The following ATG4D variants were observed in gnomAD, a reference collection of about 807,000 sequenced individuals.
ATG4D encodes autophagy related 4D cysteine peptidase.
A neutral mutation model predicts 55.2 loss-of-function variants in ATG4D; 51 were observed. The ratio of observed to expected loss-of-function variants is 0.92; its 90% CI spans 0.74 to 1.17. The LOEUF is 1.17. Ranked by LOEUF, ATG4D falls within the 50% of genes most tolerant of loss-of-function variation. The probability of loss-of-function intolerance (pLI) is 0.00; values close to 1 mark genes in which losing one functional copy is unlikely to be tolerated. For synonymous variants in ATG4D, 268 were observed against 266.2 expected, an observed-to-expected ratio of 1.01 and a Z score of -0.07; for missense variants, 635 against 649.6, an observed-to-expected ratio of 0.98 and a Z score of 0.25.
intron 8 of ATG4D, 34 bp downstream of exon 8, chr19:10,552,155 T>C (rs201971548): frequency 1.2e-6 from 2 of 1,610,980 alleles, no homozygotes; most frequent in Admixed American, 3.3e-5. Context: ...GTTGGGGCCA[T>C]GGCGGGTGGG....
Position 10,547,090 on chromosome 19 carries a change from C to T in ATG4D, c.745C>T (p.Pro249Ser). Reference protein sequence around the residue: ...SGKKAGDWYGPSLVAHILRKA... With the variant: ...SGKKAGDWYGSSLVAHILRKA... ...CAAGAAGGCAGGTGACTGGTATGGGCCATCGCTAGTGGCACACATCCTCAG... is the reference window on the plus strand; with the variant it reads ...CAAGAAGGCAGGTGACTGGTATGGGTCATCGCTAGTGGCACACATCCTCAG... Residue 249 changes from proline to serine, a missense_variant, in exon 4 of 10, where the codon CCA (proline) becomes TCA (serine). Physicochemically the swap from Pro to Ser is moderately conservative, Grantham distance 74 (BLOSUM62 -1). Coordinates refer to ENST00000309469, the MANE Select transcript of ATG4D (RefSeq NM_032885.6). 1 of 1,599,676 alleles carries T rather than the reference C, an allele frequency of 6.3e-7. No homozygotes were observed. The highest frequency in any genetic ancestry group is 2.3e-5 in the East Asian group (1 of 44,422).
chr19:10,547,039 C>G lies in ATG4D; in HGVS notation c.694C>G (p.Leu232Val). The change falls in exon 4 of 10, where the codon CTG becomes GTG. Residue 232 changes from leucine (L) to valine (V), a missense_variant. By Grantham distance (32) the Leu-to-Val change is conservative (BLOSUM62 1). Coordinates refer to ENST00000309469, the MANE Select transcript of ATG4D (RefSeq NM_032885.6). The stretch of plus-strand genomic sequence containing the variant: ...CCGGGCCCCCTTTGGCCTACACCGG[C>G]TGGTGGAGCTTGGGCAGAGCTCAGG... ...HPRAPFGLHR[L>V]VELGQSSGKK... 1 of 1,586,580 alleles carries G rather than the reference C, an allele frequency of 6.3e-7. No homozygotes were observed. Among genetic ancestry groups the G allele is most frequent in the Non-Finnish European group, 8.6e-7 (1 of 1,167,738 alleles).
rs757684533 is a variant in ATG4D, at chr19:10,546,853, G to A, written c.508G>A (p.Glu170Lys). Residue 170 changes from glutamate (E) to lysine (K), a missense_variant, in exon 4 of 10, where the codon GAG becomes AAG. By Grantham distance (56) the Glu-to-Lys change is moderately conservative. Transcript: ENST00000309469. The part of the protein sequence containing the change: ...HFLPRDWTWA[E>K]GMGLGPPELS... ...CATTCCACCAGACTGGACATGGGCC[G>A]AGGGCATGGGCCTGGGCCCCCCTGA... 9 of 1,592,012 alleles carry A rather than the reference G, an allele frequency of 5.7e-6. No individual in the cohort carries two copies. Among genetic ancestry groups the A allele is most frequent in the Admixed American group, 5.1e-5 (3 of 58,438 alleles).
Position 10,546,874 on chromosome 19 carries a change from C to A in ATG4D, c.529C>A (p.Pro177Thr), listed in dbSNP as rs377349256. ...GGCCGAGGGCATGGGCCTGGGCCCC[C>A]CTGAGCTGTCAGGGTCAGCCTCTCC... ...TWAEGMGLGPPELSGSASPSR... is the reference protein window; with the variant it reads ...TWAEGMGLGPTELSGSASPSR... Residue 177 changes from proline to threonine, a missense_variant, in exon 4 of 10, where the codon CCT (proline) becomes ACT (threonine). Physicochemically the swap from Pro to Thr is conservative, Grantham distance 38. Transcript: ENST00000309469. The A allele has an allele frequency of 1.8e-5, 29 of 1,606,160 alleles. No homozygotes were observed. The highest frequency in any genetic ancestry group is 2.4e-5 in the Non-Finnish European group (28 of 1,175,960).
rs765209616 is a variant in ATG4D, at chr19:10,548,912, G to A, written c.844G>A (p.Ala282Thr). The change falls in exon 6 of 10, where the codon GCG becomes ACG. Residue 282 changes from alanine to threonine, a missense_variant. Coordinates refer to ENST00000309469, the MANE Select transcript of ATG4D (RefSeq NM_032885.6). The part of the protein sequence containing the change: ...YVSQDCTVYK[A>T]DVARLVARPD... ...CTGTCCCGTCCCTCCAGTGTACAAG[G>A]CGGATGTGGCACGCCTGGTGGCCAG... The A allele has an allele frequency of 6.2e-7, 1 of 1,614,096 alleles. No individual in the cohort carries two copies. Among genetic ancestry groups the A allele is most frequent in the Non-Finnish European group, 8.5e-7 (1 of 1,180,002 alleles).
chr19:10,546,840 C>A lies in ATG4D; in HGVS notation c.495C>A (p.Asp165Glu), dbSNP rs553074453. 30 of 1,575,490 alleles carry A rather than the reference C, an allele frequency of 1.9e-5. No individual in the cohort carries two copies. Among genetic ancestry groups the A allele is most frequent in the Middle Eastern group, 2.2e-4 (1 of 4,494 alleles). Reference protein sequence around the residue: ...QGLLLHFLPRDWTWAEGMGLG... With the variant: ...QGLLLHFLPREWTWAEGMGLG... ...TGACTATGTGCTCCATTCCACCAGA[C>A]TGGACATGGGCCGAGGGCATGGGCC... The change falls in exon 4 of 10, where the codon GAC becomes GAA. Residue 165 changes from aspartate (D) to glutamate (E), a missense_variant and splice_region_variant. Coordinates refer to ENST00000309469, the MANE Select transcript of ATG4D (RefSeq NM_032885.6).
At position 10,547,046 on chromosome 19, in the gene ATG4D, A is replaced by C; in HGVS notation, c.701A>C (p.Glu234Ala). 1.9e-6 allele frequency: 3 copies of C among 1,584,388 alleles called. No individual in the cohort carries two copies. The highest frequency in any genetic ancestry group is 1.9e-5 in the Admixed American group (1 of 52,924). The change falls in exon 4 of 10, where the codon GAG becomes GCG. Residue 234 changes from glutamate to alanine, a missense_variant. By Grantham distance (107) the Glu-to-Ala change is moderately radical. Coordinates refer to ENST00000309469, the MANE Select transcript of ATG4D (RefSeq NM_032885.6). Reference sequence around the variant, plus strand: ...CCCTTTGGCCTACACCGGCTGGTGGAGCTTGGGCAGAGCTCAGGCAAGAAG... The same window carrying C: ...CCCTTTGGCCTACACCGGCTGGTGGCGCTTGGGCAGAGCTCAGGCAAGAAG... ...RAPFGLHRLV[E>A]LGQSSGKKAG... is the part of the protein sequence containing the mutation.
At chr19:10,552,767 C>T in intron 9 of ATG4D, 118 bp from the exon 10 acceptor site, 2 of 1,084,152 alleles carry the variant, frequency 1.8e-6, no homozygotes, top group Non-Finnish European at 2.6e-6. Flanking sequence ...ATGGAAGGTG[C>T]TGATTGGCTG....
chr19:10,549,756 G>A (rs909002048), intron 6 of ATG4D, among the ~76,000 whole-genome samples: 1 of 152,066 alleles, frequency 6.6e-6, no homozygotes, highest in Non-Finnish European at 1.5e-5. Context: ...CACCTGCTAT[G>A]TGTGCTCCCC....
chr19:10,546,769 G>T, intron 3 of ATG4D, 70 bp from the exon 4 acceptor site: 9 of 1,473,292 alleles, frequency 6.1e-6, no homozygotes, highest in Non-Finnish European at 8.2e-6. Flanking sequence ...ATTGTGTGCG[G>T]TGCATGTGTA....
chr19:10,552,779 T>C (rs1172631438), intron 9 of ATG4D, 106 bp from the exon 10 acceptor site: 11 of 1,219,258 alleles, frequency 9.0e-6, no homozygotes, highest in Admixed American at 2.2e-5. Context: ...GATTGGCTGC[T>C]CTCTCCTGGA....
Position 10,549,038 on chromosome 19 carries a change from G to C in ATG4D, c.966+4G>C. On this transcript the variant is annotated splice_donor_region_variant and intron_variant, in intron 6 of 9. Transcript: ENST00000309469. ...CGTGTATGTGCCCTGCGTGAAGGTA[G>C]GTTCAGCTGAATTCTAGGACACCTC... is the stretch of plus-strand genomic sequence containing the variant. 2 of 1,614,088 alleles carry C rather than the reference G, an allele frequency of 1.2e-6. No individual in the cohort carries two copies. The highest frequency in any genetic ancestry group is 2.2e-5 in the South Asian group (2 of 91,070).
In ATG4D at chr19:10,551,922, T is replaced by C; in HGVS notation, c.992T>C (p.Leu331Pro). 1 of 1,613,988 alleles carries C rather than the reference T, an allele frequency of 6.2e-7. No homozygotes were observed. The highest frequency in any genetic ancestry group is 1.7e-4 in the Middle Eastern group (1 of 5,992). ...GAACTCCTGCGTTGCGAGCTGTGCC[T>C]GGGCATCATGGGTGGGAAACCGCGA... Reference protein sequence around the residue: ...VKELLRCELCLGIMGGKPRHS... With the variant: ...VKELLRCELCPGIMGGKPRHS... Residue 331 changes from leucine to proline, a missense_variant, in exon 7 of 10, where the codon CTG (leucine) becomes CCG (proline). Transcript: ENST00000309469.
chr19:10,546,323 ATTTATTTAT>A (rs1292472585), intron 3 of ATG4D, among the ~76,000 whole-genome samples: 1 of 149,816 alleles, frequency 6.7e-6, no homozygotes, highest in Non-Finnish European at 1.5e-5. Flanking sequence ...TCCTGTCTTT[ATTTATTTAT>A]TTTATTTATT....
Position 10,548,003 on chromosome 19 carries a change from A to ATTTT in ATG4D, c.835+792_835+795dup, listed in dbSNP as rs60924749. Reference sequence around the variant, plus strand: ...TGAGCCACTGTGCCCAGCCCCTGTAATTTTTTTTTTTTTTTTTTTTTTTTT... The same window carrying ATTTT: ...TGAGCCACTGTGCCCAGCCCCTGTAATTTTTTTTTTTTTTTTTTTTTTTTTTTTT... On this transcript the variant is annotated intron_variant, in intron 5 of 9. Coordinates refer to ENST00000309469, the MANE Select transcript of ATG4D (RefSeq NM_032885.6). Among the ~76,000 whole-genome samples, 4 of 35,000 alleles carry ATTTT rather than the reference A, an allele frequency of 1.1e-4. 1 individual carries two copies. The highest frequency in any genetic ancestry group is 1.6e-4 in the Non-Finnish European group (3 of 19,016). 23.0% of individuals were successfully genotyped at this position (35,000 alleles called of 152,430 possible).
Position 10,553,235 on chromosome 19 carries a change from GC to G in ATG4D, c.*171del, listed in dbSNP as rs1916362176. The G allele has an allele frequency of 5.7e-6, 5 of 874,492 alleles. No homozygotes were observed. The South Asian group carries it at 7.9e-5, about 14-fold the overall frequency. The allele number at this position is 874,492 out of a possible 1,614,324, so 54.2% of individuals were successfully genotyped here. On this transcript the variant is annotated 3_prime_UTR_variant, in exon 10 of 10. Coordinates refer to ENST00000309469, the MANE Select transcript of ATG4D (RefSeq NM_032885.6). ...TTCAGCCAGGGACAGAGCCCACAGA[GC>G]CCATACACCTGTCTCCCACCAGCGG...
intron 3 of ATG4D, among the ~76,000 whole-genome samples, 189 bp downstream of exon 3, chr19:10,545,319 CCTAGCA>C (rs1348374722): frequency 1.3e-5 from 2 of 152,148 alleles, no homozygotes; most frequent in Non-Finnish European, 2.9e-5. Context: ...TGCCTGTAAT[CCTAGCA>C]CTTTGGGAGG....
At chr19:10,552,848 C>A (rs1916326703) in intron 9 of ATG4D, 37 bp from the exon 10 acceptor site, 1 of 1,576,238 alleles carries the variant, frequency 6.3e-7, no homozygotes, top group Non-Finnish European at 8.6e-7. Context: ...TGGCTTGGCA[C>A]TGTTTGTGGC....
intron 6 of ATG4D, among the ~76,000 whole-genome samples, chr19:10,550,308 T>G (rs1027087345): frequency 6.6e-6 from 1 of 151,948 alleles, no homozygotes; most frequent in Non-Finnish European, 1.5e-5. Context: ...GCACCCAGCC[T>G]CTACACAACT....
Sources: allele counts gnomAD v4.1 joint callset (sites outside exome capture counted in the v4.1 genomes callset), GRCh38; gene constraint gnomAD v4.1.1; transcripts MANE v1.5; gene names NCBI Gene and HGNC (gene_info 2026-07-23, HGNC 2026-07-21).